The following RTN1 variants were observed in gnomAD, a reference collection of about 807,000 sequenced individuals.
The protein encoded by RTN1 is reticulon-1.
Under a neutral mutation model 65.5 loss-of-function variants are expected in RTN1, and 25 were observed. That is an observed-to-expected ratio of 0.38 (90% CI 0.28 to 0.53). RTN1 has a LOEUF of 0.53. Among genes scored for constraint, RTN1 ranks in the 20% least tolerant of loss-of-function variants. RTN1 has a pLI of 0.79. For missense variants in RTN1, 983 were observed against 1,025.4 expected, an observed-to-expected ratio of 0.96 and a Z score of 0.57; for synonymous variants, 471 against 447.6, an observed-to-expected ratio of 1.05 and a Z score of -0.66.
intron 1 of RTN1, among the ~76,000 whole-genome samples, chr14:59,831,702 G>T (rs913572191): frequency 6.6e-6 from 1 of 151,896 alleles, no homozygotes; most frequent in Non-Finnish European, 1.5e-5. Flanking sequence ...TTGCTCTCTT[G>T]GCAGTCCCAG....
At chr14:59,859,820 G>C (rs1238797528) in intron 1 of RTN1, among the ~76,000 whole-genome samples, 3 of 152,192 alleles carry the variant, frequency 2.0e-5, no homozygotes, top group Non-Finnish European at 4.4e-5. Flanking sequence ...CAAAGAGACG[G>C]CAACATTTTG....
intron 3 of RTN1, among the ~76,000 whole-genome samples, chr14:59,669,798 AT>A (rs1883463740): frequency 6.6e-6 from 1 of 152,160 alleles, no homozygotes; most frequent in East Asian, 1.9e-4. Flanking sequence ...CACACTGCCG[AT>A]GAGTGGATTT....
chr14:59,629,084 T>C (rs1365416263), intron 3 of RTN1, among the ~76,000 whole-genome samples: 3 of 152,248 alleles, frequency 2.0e-5, no homozygotes, highest in East Asian at 1.9e-4. Flanking sequence ...GCCTTCTATA[T>C]TGAACATATG....
chr14:59,838,059 A>G (rs944097620), intron 1 of RTN1, among the ~76,000 whole-genome samples: 2 of 152,214 alleles, frequency 1.3e-5, no homozygotes, highest in African/African-American at 2.4e-5. Flanking sequence ...GGTAGTGAGC[A>G]TAAGTACCCA....
chr14:59,597,268 A>G (rs1446627567), intron 8 of RTN1, among the ~76,000 whole-genome samples: 1 of 152,178 alleles, frequency 6.6e-6, no homozygotes, highest in African/African-American at 2.4e-5. Context: ...ATTACCCACA[A>G]CTGGAATTTA....
At chr14:59,765,255 T>A (rs1278232374) in intron 1 of RTN1, among the ~76,000 whole-genome samples, 2 of 152,088 alleles carry the variant, frequency 1.3e-5, no homozygotes, top group Admixed American at 1.3e-4. Flanking sequence ...CCCAGTAGGG[T>A]GACCTTTAAA....
chr14:59,860,149 C>A (rs1455157962), intron 1 of RTN1, among the ~76,000 whole-genome samples: 2 of 152,202 alleles, frequency 1.3e-5, no homozygotes, highest in Non-Finnish European at 2.9e-5. Flanking sequence ...TAGCCCCTCC[C>A]ATCACAGGCC....
At chr14:59,637,147 C>G (rs1409157701) in intron 3 of RTN1, among the ~76,000 whole-genome samples, 1 of 152,220 alleles carries the variant, frequency 6.6e-6, no homozygotes, top group Non-Finnish European at 1.5e-5. Flanking sequence ...CTGCCACTCT[C>G]TATCAACTAA....
At chr14:59,826,112 A>G (rs1338376161) in intron 1 of RTN1, among the ~76,000 whole-genome samples, 1 of 152,124 alleles carries the variant, frequency 6.6e-6, no homozygotes, top group East Asian at 1.9e-4. Context: ...AACAAGAAAA[A>G]AGAGAGAGAG....
chr14:59,722,882 C>T (rs913802434), intron 3 of RTN1, among the ~76,000 whole-genome samples: 5 of 151,498 alleles, frequency 3.3e-5, no homozygotes, highest in African/African-American at 1.2e-4. Flanking sequence ...ACTGCAGGCC[C>T]GACCTCCTGG....
intron 1 of RTN1, among the ~76,000 whole-genome samples, chr14:59,827,423 C>T (rs113185179): frequency 1.3e-5 from 2 of 152,072 alleles, no homozygotes; most frequent in African/African-American, 4.8e-5. Context: ...CGCTTGGGTT[C>T]ATTTTCTCAC....
In RTN1 at chr14:59,727,583, C is replaced by T. The variant is rs912145580; in HGVS notation, c.1101G>A (p.Ser367=). Residue 367 remains serine, a synonymous_variant, in exon 3 of 9, where the codon TCG becomes TCA. Coordinates refer to ENST00000267484, the MANE Select transcript of RTN1 (RefSeq NM_021136.3). This position sits in a 1 kb window ranked among gnomAD's most constrained non-coding sequence, Gnocchi z 4.2. The part of the protein sequence containing the change: ...ITAIKEAKGL[S]YETAENPRPV... ...GCCGTGGGTTCTCGGCGGTTTCATA[C>T]GATAATCCCTTTGCTTCTTTGATGG... 3.1e-6 allele frequency: 5 copies of T among 1,612,550 alleles called. No individual in the cohort carries two copies. The highest frequency in any genetic ancestry group is 1.1e-5 in the South Asian group (1 of 90,784).
At chr14:59,686,921 C>T (rs565298747) in intron 3 of RTN1, among the ~76,000 whole-genome samples, 2 of 152,324 alleles carry the variant, frequency 1.3e-5, no homozygotes, top group African/African-American at 4.8e-5. Flanking sequence ...GGCAGCATGG[C>T]CACTTAGGCA....
chr14:59,659,179 T>C (rs972554003), intron 3 of RTN1, among the ~76,000 whole-genome samples: 7 of 148,824 alleles, frequency 4.7e-5, no homozygotes, highest in African/African-American at 1.7e-4. Context: ...AAGACAAGAT[T>C]AGAGAAAAAA....
intron 1 of RTN1, among the ~76,000 whole-genome samples, chr14:59,750,042 ATATAT>A (rs571576016): frequency 2.3e-5 from 1 of 43,460 alleles, no homozygotes; most frequent in African/African-American, 1.0e-4. Flanking sequence ...TACATATATT[ATATAT>A]TATATTATAT....
chr14:59,831,122 AG>A (rs1887117461), intron 1 of RTN1, among the ~76,000 whole-genome samples: 1 of 152,236 alleles, frequency 6.6e-6, no homozygotes, highest in African/African-American at 2.4e-5. Flanking sequence ...ACTTGAAAGA[AG>A]GACATACCTC....
chr14:59,616,464 T>C (rs923873209), intron 3 of RTN1, among the ~76,000 whole-genome samples: 2 of 152,144 alleles, frequency 1.3e-5, no homozygotes, highest in African/African-American at 4.8e-5. Context: ...AATTGTGACA[T>C]TAAAATAGAG....
In RTN1 at chr14:59,774,967, C is replaced by T. The variant is rs1442815307; in HGVS notation, c.242-28486G>A. Reference sequence around the variant, plus strand: ...TGTTGCAATAACAGACAGAAACCTCCTTTACATCTATGGCAGAGATGGCTT... The same window carrying T: ...TGTTGCAATAACAGACAGAAACCTCTTTTACATCTATGGCAGAGATGGCTT... On this transcript the variant is annotated intron_variant, in intron 1 of 8. Transcript: ENST00000267484. The surrounding 1 kb of genome is among the most constrained non-coding windows in gnomAD (Gnocchi z 5.1). Among the ~76,000 whole-genome samples the T allele has an allele frequency of 6.6e-6, 1 of 152,204 alleles. No individual in the cohort carries two copies. Among genetic ancestry groups the T allele is most frequent in the Non-Finnish European group, 1.5e-5 (1 of 68,034 alleles).
intron 1 of RTN1, among the ~76,000 whole-genome samples, chr14:59,813,719 G>T (rs1460773045): frequency 2.0e-5 from 3 of 152,094 alleles, no homozygotes; most frequent in Admixed American, 2.0e-4. Context: ...AGTAAAAAAA[G>T]ATTCTATATC....
Sources: gnomAD v4.1 joint callset for allele counts (sites outside exome capture counted in the v4.1 genomes callset) on GRCh38, gnomAD v4.1.1 for gene constraint, Gnocchi (gnomAD v3.1) non-coding constraint, MANE v1.5 for transcripts, NCBI Gene and HGNC (gene_info 2026-07-23, HGNC 2026-07-21) for gene names.